The following EPHX2 variants were observed in gnomAD, a reference collection of about 807,000 sequenced individuals.
EPHX2 encodes the protein bifunctional epoxide hydrolase 2.
EPHX2 carries 74 observed loss-of-function variants against 78.7 expected under a neutral mutation model. The ratio of observed to expected loss-of-function variants is 0.94; its 90% CI spans 0.78 to 1.14. The LOEUF is 1.14. Ranked by LOEUF, EPHX2 falls within the 50% of genes most tolerant of loss-of-function variation. The pLI is 0.00. For missense variants in EPHX2, 715 were observed against 702.5 expected, an observed-to-expected ratio of 1.02 and a Z score of -0.20; for synonymous variants, 251 against 255.2, an observed-to-expected ratio of 0.98 and a Z score of 0.16.
intron 12 of EPHX2, among the ~76,000 whole-genome samples, chr8:27,528,002 A>C (rs1207298096): frequency 6.6e-6 from 1 of 152,108 alleles, no homozygotes; most frequent in African/African-American, 2.4e-5. Flanking sequence ...CCTCCAACTA[A>C]GCCATGCTGG....
At chr8:27,500,833 G>A in intron 1 of EPHX2, 93 bp from the exon 2 acceptor site, 1 of 1,162,994 alleles carries the variant, frequency 8.6e-7, no homozygotes. Flanking sequence ...CCTTTCTAGT[G>A]GCTGCTTCTC....
chr8:27,547,045 A>G (rs576170821), downstream of EPHX2, among the ~76,000 whole-genome samples: 1 of 152,258 alleles, frequency 6.6e-6, no homozygotes, highest in Non-Finnish European at 1.5e-5. Flanking sequence ...ACCAGATCTC[A>G]TGGGAACTCA....
chr8:27,498,061 C>T (rs1813638324), intron 1 of EPHX2, among the ~76,000 whole-genome samples: 1 of 152,236 alleles, frequency 6.6e-6, no homozygotes. Flanking sequence ...AATAGCATGA[C>T]ATCTCTCTAA....
chr8:27,498,512 TC>T (rs1349712103), intron 1 of EPHX2, among the ~76,000 whole-genome samples: 4 of 152,138 alleles, frequency 2.6e-5, no homozygotes, highest in African/African-American at 9.7e-5. Flanking sequence ...TCTTTTATCA[TC>T]TCCCATTCTC....
At chr8:27,516,190 G>C in intron 7 of EPHX2, 130 bp from the exon 8 acceptor site, 1 of 939,810 alleles carries the variant, frequency 1.1e-6, no homozygotes, top group Non-Finnish European at 1.7e-6. Context: ...CCATGGCAAA[G>C]TTACCGGGTA....
At chr8:27,533,119 C>A (rs919346291) in intron 12 of EPHX2, among the ~76,000 whole-genome samples, 1 of 151,964 alleles carries the variant, frequency 6.6e-6, no homozygotes, top group South Asian at 2.1e-4. Context: ...TGTCTCTAAA[C>A]GAATAATAAT....
intron 12 of EPHX2, among the ~76,000 whole-genome samples, chr8:27,533,068 T>C (rs148480491): frequency 6.6e-6 from 1 of 152,098 alleles, no homozygotes. Flanking sequence ...TAAGCCATGA[T>C]TGCACTACTG....
chr8:27,540,325 C>T (rs945309500), intron 14 of EPHX2, among the ~76,000 whole-genome samples: 9 of 152,022 alleles, frequency 5.9e-5, no homozygotes, highest in African/African-American at 1.7e-4. Context: ...CCCGTGAAGT[C>T]GTGGCTAGGT....
intron 14 of EPHX2, 194 bp downstream of exon 14, chr8:27,538,886 C>T (rs540682066): frequency 1.7e-6 from 1 of 605,984 alleles, no homozygotes; most frequent in Non-Finnish European, 3.0e-6. Flanking sequence ...AGTTCCTACC[C>T]TCTAGGGAGC....
At chr8:27,494,098 G>A (rs1296550718) in intron 1 of EPHX2, among the ~76,000 whole-genome samples, 1 of 152,094 alleles carries the variant, frequency 6.6e-6, no homozygotes, top group Non-Finnish European at 1.5e-5. Context: ...GATTTTGGGG[G>A]GCCCTGAGAA....
intron 12 of EPHX2, among the ~76,000 whole-genome samples, chr8:27,527,817 T>G (rs1814901049): frequency 6.6e-6 from 1 of 152,160 alleles, no homozygotes; most frequent in African/African-American, 2.4e-5. Flanking sequence ...CTACAGCTGT[T>G]TTTGAGCTCT....
intron 1 of EPHX2, among the ~76,000 whole-genome samples, chr8:27,500,509 G>A (rs1241302368): frequency 6.6e-6 from 1 of 152,182 alleles, no homozygotes; most frequent in Non-Finnish European, 1.5e-5. Context: ...AAACTAGAGA[G>A]GCAGAATCGA....
intron 2 of EPHX2, among the ~76,000 whole-genome samples, chr8:27,501,463 G>C (rs1429924502): frequency 6.6e-6 from 1 of 150,546 alleles, no homozygotes; most frequent in Non-Finnish European, 1.5e-5. Context: ...GAGTGCAGTG[G>C]CATGATCATG....
At chr8:27,535,163 A>ATATTT (rs58760249) in intron 12 of EPHX2, among the ~76,000 whole-genome samples, 2,194 of 151,986 alleles carry the variant, frequency 0.014, 52 homozygotes, top group African/African-American at 0.05. Context: ...TGTTACAGAA[A>ATATTT]TATTTTATTT....
At chr8:27,508,943 C>T (rs1257043650) in intron 5 of EPHX2, among the ~76,000 whole-genome samples, 1 of 123,434 alleles carries the variant, frequency 8.1e-6, no homozygotes, top group Non-Finnish European at 1.7e-5. Flanking sequence ...AACCCCCATC[C>T]TGCTTTTTTT....
intron 6 of EPHX2, among the ~76,000 whole-genome samples, chr8:27,514,889 G>T (rs1368595616): frequency 6.6e-6 from 1 of 152,184 alleles, no homozygotes; most frequent in Admixed American, 6.5e-5. Context: ...AGCCCTCACA[G>T]TCTCTGCCAC....
chr8:27,497,040 G>T (rs558205448), intron 1 of EPHX2, among the ~76,000 whole-genome samples: 11 of 152,332 alleles, frequency 7.2e-5, no homozygotes, highest in Non-Finnish European at 1.6e-4. Flanking sequence ...GCTGGTTACA[G>T]GCTGTCCCAG....
At chr8:27,535,138 C>T (rs1410971034) in intron 12 of EPHX2, among the ~76,000 whole-genome samples, 2 of 152,112 alleles carry the variant, frequency 1.3e-5, no homozygotes, top group Non-Finnish European at 2.9e-5. Context: ...AGCACTAGTC[C>T]CTCAGCAGCA....
At chr8:27,520,251 C>T (rs1457481936) in intron 9 of EPHX2, among the ~76,000 whole-genome samples, 4 of 151,590 alleles carry the variant, frequency 2.6e-5, no homozygotes, top group Admixed American at 6.6e-5. Flanking sequence ...CTGCAACCTC[C>T]GCCTCCTGAG....
Sources: gnomAD v4.1 joint callset for allele counts (sites outside exome capture counted in the v4.1 genomes callset) on GRCh38, gnomAD v4.1.1 for gene constraint, MANE v1.5 for transcripts, NCBI Gene and HGNC (gene_info 2026-07-23, HGNC 2026-07-21) for gene names.